The following GFRA2 variants were observed in gnomAD, a reference collection of about 807,000 sequenced individuals.
GFRA2 encodes the protein GDNF family receptor alpha 2, also known as GDNF family receptor alpha-2.
GFRA2 carries 17 observed loss-of-function variants against 48.3 expected under a neutral mutation model. That is an observed-to-expected ratio of 0.35 (90% confidence interval 0.24 to 0.53). The LOEUF is 0.53. GFRA2 is among the 20% of genes least tolerant of loss of function. The pLI is 0.93. For missense variants in GFRA2, 660 were observed against 637.3 expected, an observed-to-expected ratio of 1.04 and a Z score of -0.38; for synonymous variants, 305 against 257.2, an observed-to-expected ratio of 1.19 and a Z score of -1.78.
At chr8:21,770,277 G>A (rs1485295113) in intron 3 of GFRA2, among the ~76,000 whole-genome samples, 11 of 152,226 alleles carry the variant, frequency 7.2e-5, no homozygotes, top group Non-Finnish European at 1.6e-4. Context: ...ATCGAACCTT[G>A]GAGAAATCAG....
At chr8:21,711,856 A>G (rs944660552) in intron 4 of GFRA2, among the ~76,000 whole-genome samples, 3 of 152,100 alleles carry the variant, frequency 2.0e-5, no homozygotes, top group African/African-American at 7.2e-5. Context: ...GTCCCTGGGT[A>G]CTTGAGATTA....
rs78203724 is a variant in GFRA2, at chr8:21,745,731, C to A, written c.794+4857G>T. On this transcript the variant is annotated intron_variant, in intron 4 of 8. Transcript: ENST00000524240. Reference sequence around the variant, plus strand: ...CTAACAACGGGCATCCATAGGACAACTGAGCACTTTTGTGGATTCTGGGGA... The same window carrying A: ...CTAACAACGGGCATCCATAGGACAAATGAGCACTTTTGTGGATTCTGGGGA... Among the ~76,000 whole-genome samples the A allele has an allele frequency of 8.3e-3, 1,260 of 152,278 alleles. 17 individuals are homozygous for A. The highest frequency in any genetic ancestry group is 0.029 in the African/African-American group (1,191 of 41,540).
intron 4 of GFRA2, among the ~76,000 whole-genome samples, chr8:21,722,592 G>A (rs941217840): frequency 1.3e-5 from 2 of 152,106 alleles, no homozygotes; most frequent in South Asian, 2.1e-4. Context: ...CCTTGGTCTC[G>A]CCCGCATGCA....
intron 4 of GFRA2, among the ~76,000 whole-genome samples, chr8:21,711,010 T>G (rs1802994890): frequency 6.6e-6 from 1 of 152,164 alleles, no homozygotes; most frequent in African/African-American, 2.4e-5. Flanking sequence ...AGAGACCACG[T>G]GGTATAATTT....
intron 4 of GFRA2, among the ~76,000 whole-genome samples, chr8:21,708,353 C>G (rs934910130): frequency 6.6e-6 from 1 of 152,176 alleles, no homozygotes; most frequent in Non-Finnish European, 1.5e-5. Flanking sequence ...CCCTCCGCAG[C>G]CAGCAAATGA....
chr8:21,704,612 G>A (rs1474800879), intron 6 of GFRA2, among the ~76,000 whole-genome samples: 3 of 152,194 alleles, frequency 2.0e-5, no homozygotes, highest in African/African-American at 4.8e-5. Flanking sequence ...GGAGTTTGAC[G>A]ATGTGAAAAG....
rs146016065 is a variant in GFRA2, at chr8:21,705,422, C to T, written c.905-297G>A. 1.3e-3 allele frequency among the ~76,000 whole-genome samples: 194 copies of T among 152,270 alleles called. 1 individual carries two copies. The highest frequency in any genetic ancestry group is 4.4e-3 in the African/African-American group (183 of 41,544). On this transcript the variant is annotated intron_variant, in intron 5 of 8. Transcript: ENST00000524240. The stretch of plus-strand genomic sequence containing the variant: ...GAGTGTGGGCCCTTGCTTTGTCCTT[C>T]ACCAGCAAGCAGCCAACATTCTCAA...
intron 3 of GFRA2, among the ~76,000 whole-genome samples, chr8:21,770,589 G>A (rs927171374): frequency 6.6e-6 from 1 of 152,124 alleles, no homozygotes; most frequent in Admixed American, 6.6e-5. Flanking sequence ...CAGAAAGGAT[G>A]CCCCATGCCC....
At chr8:21,756,953 C>G (rs1000975505) in intron 3 of GFRA2, among the ~76,000 whole-genome samples, 3 of 152,154 alleles carry the variant, frequency 2.0e-5, no homozygotes. Flanking sequence ...GCCTTGATGG[C>G]CAAGGAGTAA....
chr8:21,727,541 C>G (rs554795163), intron 4 of GFRA2, among the ~76,000 whole-genome samples: 1 of 152,198 alleles, frequency 6.6e-6, no homozygotes, highest in Non-Finnish European at 1.5e-5. Context: ...CATCACGGCC[C>G]CCCCCAGGAG....
In GFRA2 at chr8:21,750,111, G is replaced by A. The variant is rs984975460; in HGVS notation, c.794+477C>T. 3.7e-5 allele frequency among the ~76,000 whole-genome samples: 4 copies of A among 107,216 alleles called. No homozygotes were observed. The highest frequency in any genetic ancestry group is 1.6e-4 in the African/African-American group (4 of 24,440). 70.3% of individuals were successfully genotyped at this position (107,216 alleles called of 152,430 possible). Reference sequence around the variant, plus strand: ...TATACACACACACACACACACACACGCACATATATAGGTAGAGACTGAGTT... The same window carrying A: ...TATACACACACACACACACACACACACACATATATAGGTAGAGACTGAGTT... On this transcript the variant is annotated intron_variant, in intron 4 of 8. Transcript: ENST00000524240. This position sits in a 1 kb window ranked among gnomAD's most constrained non-coding sequence, Gnocchi z 5.7.
At chr8:21,757,855 T>C (rs951674811) in intron 3 of GFRA2, among the ~76,000 whole-genome samples, 1 of 152,174 alleles carries the variant, frequency 6.6e-6, no homozygotes, top group African/African-American at 2.4e-5. Context: ...TTGACTCACC[T>C]TTTACGTTTT....
In GFRA2 at chr8:21,691,615, C is replaced by T. The variant is rs760993256; in HGVS notation, c.*1663G>A. The T allele has an allele frequency of 6.6e-5, 10 of 152,320 alleles. No individual in the cohort carries two copies. Among genetic ancestry groups the T allele is most frequent in the Non-Finnish European group, 1.3e-4 (9 of 68,104 alleles). The allele number at this position is 152,320 out of a possible 1,614,324, so 9.4% of individuals were successfully genotyped here. A position where few individuals can be genotyped will look rare whatever the true frequency, so the allele number is the denominator to read the frequency against. ...ACATACCACTTTGCTCTATGTAAGA[C>T]TAACAGGGCCACCCAGACAGCCTGA... On this transcript the variant is annotated 3_prime_UTR_variant, in exon 9 of 9. Transcript: ENST00000524240.
chr8:21,728,676 G>C (rs1804016604), intron 4 of GFRA2, among the ~76,000 whole-genome samples: 1 of 152,180 alleles, frequency 6.6e-6, no homozygotes, highest in Non-Finnish European at 1.5e-5. Flanking sequence ...GCAGCCCTCA[G>C]AATAGGCCCT....
chr8:21,723,440 G>A (rs1803699778), intron 4 of GFRA2, among the ~76,000 whole-genome samples: 1 of 152,208 alleles, frequency 6.6e-6, no homozygotes, highest in Non-Finnish European at 1.5e-5. Context: ...AGGCCAGCAA[G>A]GCCAATGGGA....
chr8:21,724,374 T>C (rs145081923), intron 4 of GFRA2, among the ~76,000 whole-genome samples: 1 of 152,172 alleles, frequency 6.6e-6, no homozygotes, highest in East Asian at 1.9e-4. Context: ...AGATTCCCAG[T>C]ATTGCCACGC....
intron 1 of GFRA2, among the ~76,000 whole-genome samples, chr8:21,783,621 C>T (rs1293672686): frequency 1.3e-5 from 2 of 151,180 alleles, no homozygotes; most frequent in Non-Finnish European, 3.0e-5. Context: ...GGAGGAGCTA[C>T]CCCTTTCCCC....
intron 4 of GFRA2, among the ~76,000 whole-genome samples, chr8:21,734,038 G>C (rs1804331675): frequency 6.6e-6 from 1 of 152,222 alleles, no homozygotes; most frequent in African/African-American, 2.4e-5. Context: ...ATGGAGAAAG[G>C]GGACCGTGCT....
At chr8:21,705,742 G>C (rs1202609498) in intron 5 of GFRA2, among the ~76,000 whole-genome samples, 190 bp downstream of exon 5, 1 of 152,172 alleles carries the variant, frequency 6.6e-6, no homozygotes, top group Admixed American at 6.5e-5. Flanking sequence ...ATGATAAAGA[G>C]CTAGGTCCTC....
Sources: allele counts gnomAD v4.1 joint callset (sites outside exome capture counted in the v4.1 genomes callset), GRCh38; gene constraint gnomAD v4.1.1; non-coding constraint Gnocchi (gnomAD v3.1); transcripts MANE v1.5; gene names NCBI Gene and HGNC (gene_info 2026-07-23, HGNC 2026-07-21).